SND1: variants seen among roughly 807,000 people sequenced by gnomAD.
SND1 encodes staphylococcal nuclease domain-containing protein 1.
A neutral mutation model predicts 121.7 loss-of-function variants in SND1; 38 were observed. The observed-to-expected ratio is 0.31, with a 90% CI of 0.24 to 0.41. The LOEUF is 0.41. SND1 is among the 10% of genes least tolerant of loss of function. The pLI is 1.00. For missense variants in SND1, 868 were observed against 1,184.6 expected (o/e 0.73, Z 3.92); for synonymous variants, 401 against 447.4 (o/e 0.90, Z 1.31).
At chr7:127,833,681 TGA>T (rs149925222) in intron 11 of SND1, among the ~76,000 whole-genome samples, 569 of 147,164 alleles carry the variant, frequency 3.9e-3, no homozygotes, top group Admixed American at 4.1e-3. Context: ...CCTGGGGGGT[TGA>T]GAGAGAGAGA....
chr7:127,770,509 A>G (rs560623886), intron 10 of SND1, among the ~76,000 whole-genome samples: 5 of 152,348 alleles, frequency 3.3e-5, no homozygotes, highest in Admixed American at 1.3e-4. Context: ...TCAAAGCCCT[A>G]TGAGGGCTTT....
chr7:128,050,738 C>T (rs1191366535), intron 16 of SND1, among the ~76,000 whole-genome samples: 1 of 152,178 alleles, frequency 6.6e-6, no homozygotes, highest in Admixed American at 6.5e-5. Context: ...TCTGCATTCC[C>T]ACAACCATCT....
At chr7:127,953,200 GTGTGTGTGTGTGTGTGTGTGTA>G (rs779658192) in intron 15 of SND1, among the ~76,000 whole-genome samples, 4,639 of 94,498 alleles carry the variant, frequency 0.049, 240 homozygotes, top group Middle Eastern at 0.11. Flanking sequence ...GTGTGTGTGT[GTGTGTGTGTGTGTGTGTGTGTA>G]TGTATGAAAA....
intron 18 of SND1, among the ~76,000 whole-genome samples, chr7:128,082,703 A>G (rs1244849512): frequency 6.6e-6 from 1 of 152,090 alleles, no homozygotes; most frequent in South Asian, 2.1e-4. Flanking sequence ...GGAGTCTTGT[A>G]GTGGTGGTCT....
In SND1 at chr7:127,868,474, G is replaced by C. The variant is rs147672880; in HGVS notation, c.1344-19428G>C. ...TGTAATATCTTTTCTGCCTTATAGA[G>C]GGTATTTGACTTAACAAATGCTCGT... On this transcript the variant is annotated intron_variant, in intron 12 of 23. Transcript: ENST00000354725. Among the ~76,000 whole-genome samples the C allele has an allele frequency of 2.6e-3, 389 of 152,256 alleles. 4 individuals carry two copies. The highest frequency in any genetic ancestry group is 9.2e-3 in the African/African-American group (381 of 41,552).
At position 127,856,735 on chromosome 7, in the gene SND1, C is replaced by T. The variant is rs557296559; in HGVS notation, c.1343+12311C>T. On this transcript the variant is annotated intron_variant, in intron 12 of 23. Transcript: ENST00000354725. ...TTAAAATGTGGTTTATAAGCCATCA[C>T]GCATTAGGTCAGTAGCAATGGGAAC... Among the ~76,000 whole-genome samples, 3 of 152,312 alleles carry T rather than the reference C, an allele frequency of 2.0e-5. No homozygotes were observed. In the South Asian group the frequency reaches 6.2e-4, roughly 32 times the overall value.
chr7:127,682,641 C>T (rs890837610), intron 1 of SND1, among the ~76,000 whole-genome samples: 1 of 152,186 alleles, frequency 6.6e-6, no homozygotes, highest in Non-Finnish European at 1.5e-5. Context: ...AGACTAATTA[C>T]CTATGACAGT....
chr7:127,941,687 C>A (rs1029047359), intron 15 of SND1, among the ~76,000 whole-genome samples: 2 of 152,148 alleles, frequency 1.3e-5, no homozygotes, highest in Non-Finnish European at 2.9e-5. Context: ...TATACCAGTT[C>A]GCTCATTAGC....
chr7:127,819,893 A>G (rs1487886528), intron 11 of SND1, among the ~76,000 whole-genome samples: 2 of 152,230 alleles, frequency 1.3e-5, no homozygotes, highest in East Asian at 3.8e-4. Flanking sequence ...TCCTGTGGCC[A>G]CTGGGTGATT....
chr7:127,966,158 T>TTTATA (rs1393250621), intron 15 of SND1, among the ~76,000 whole-genome samples: 6 of 151,544 alleles, frequency 4.0e-5, no homozygotes, highest in Non-Finnish European at 7.4e-5. Flanking sequence ...TTTTTCTTTA[T>TTTATA]TAGTCTTGCT....
intron 16 of SND1, among the ~76,000 whole-genome samples, chr7:128,056,907 A>G (rs1011514223): frequency 6.6e-6 from 1 of 152,206 alleles, no homozygotes; most frequent in Non-Finnish European, 1.5e-5. Context: ...TATTAAGTCA[A>G]TAAGAGTTAC....
intron 11 of SND1, among the ~76,000 whole-genome samples, chr7:127,818,393 A>G (rs1299884981): frequency 6.6e-6 from 1 of 152,172 alleles, no homozygotes; most frequent in Non-Finnish European, 1.5e-5. Context: ...TGCATCATTA[A>G]AAATCACAGA....
At chr7:127,867,834 GAC>G (rs1473002480) in intron 12 of SND1, among the ~76,000 whole-genome samples, 1 of 151,392 alleles carries the variant, frequency 6.6e-6, no homozygotes, top group Non-Finnish European at 1.5e-5. Context: ...ACTGAGCCAT[GAC>G]CTGGCCCCTC....
At chr7:128,089,467 C>A (rs764076451) in intron 21 of SND1, 22 bp from the exon 22 acceptor site, 15 of 1,598,644 alleles carry the variant, frequency 9.4e-6, no homozygotes, top group Admixed American at 1.7e-5. Context: ...CTTGCTCTGA[C>A]CTGAGTGTGT....
Position 127,926,718 on chromosome 7 carries a change from ATTTTGT to A in SND1, c.1528-2468_1528-2463del, listed in dbSNP as rs1446098781. ...CAGGTGCCCACCACCACACCCGGCT[ATTTTGT>A]TGTTGTTGTTGTTGTTGTTGTTGTT... On this transcript the variant is annotated intron_variant, in intron 14 of 23. Coordinates refer to ENST00000354725, the MANE Select transcript of SND1 (RefSeq NM_014390.4). Among the ~76,000 whole-genome samples, 498 of 72,116 alleles carry A rather than the reference ATTTTGT, an allele frequency of 6.9e-3. 3 individuals carry two copies. The highest frequency in any genetic ancestry group is 0.012 in the East Asian group (46 of 3,720). 47.3% of individuals were successfully genotyped at this position (72,116 alleles called of 152,430 possible). A position where few individuals can be genotyped will look rare whatever the true frequency, so the allele number is the denominator to read the frequency against.
chr7:127,805,769 G>C (rs2116572777), intron 10 of SND1, among the ~76,000 whole-genome samples: 1 of 152,326 alleles, frequency 6.6e-6, no homozygotes, highest in East Asian at 1.9e-4. Flanking sequence ...GGACTGCACA[G>C]AGGTGTCTTG....
chr7:128,047,324 C>T (rs1021756690), intron 16 of SND1, among the ~76,000 whole-genome samples: 1 of 152,222 alleles, frequency 6.6e-6, no homozygotes, highest in Non-Finnish European at 1.5e-5. Context: ...ACTCAGTGGT[C>T]CCTTCCCTGC....
chr7:127,915,318 G>C (rs561982896), intron 14 of SND1, among the ~76,000 whole-genome samples: 5 of 152,268 alleles, frequency 3.3e-5, no homozygotes, highest in Non-Finnish European at 4.4e-5. Flanking sequence ...CTAGCACACA[G>C]AAAGTCCTCT....
At chr7:127,664,240 T>C (rs1452454546) in intron 1 of SND1, among the ~76,000 whole-genome samples, 1 of 152,088 alleles carries the variant, frequency 6.6e-6, no homozygotes, top group Non-Finnish European at 1.5e-5. Flanking sequence ...CCTCCCAAAG[T>C]GTTGGGATTA....
Sources: gnomAD v4.1 joint callset for allele counts (sites outside exome capture counted in the v4.1 genomes callset) on GRCh38, gnomAD v4.1.1 for gene constraint, MANE v1.5 for transcripts, NCBI Gene and HGNC (gene_info 2026-07-23, HGNC 2026-07-21) for gene names.